The following ANKS3 variants were observed in gnomAD, a reference collection of about 807,000 sequenced individuals.
ANKS3 encodes the protein ankyrin repeat and SAM domain-containing protein 3.
A neutral mutation model predicts 80.7 loss-of-function variants in ANKS3; 62 were observed. The ratio of observed to expected loss-of-function variants is 0.77; its 90% CI spans 0.63 to 0.95. The LOEUF is 0.95. Ranked by LOEUF, ANKS3 falls within the 40% of genes least tolerant of loss-of-function variation. The pLI is 0.00. For missense variants in ANKS3, 1,150 were observed against 883.6 expected (o/e 1.30, Z -3.82); for synonymous variants, 489 against 355.3 (o/e 1.38, Z -4.23).
chr16:4,731,305 A>G (rs2081604675), intron 2 of ANKS3, among the ~76,000 whole-genome samples: 1 of 152,156 alleles, frequency 6.6e-6, no homozygotes. Flanking sequence ...TTTTTGAGAC[A>G]GTCTCGCTCT....
chr16:4,731,340 C>T (rs139174883), intron 2 of ANKS3, among the ~76,000 whole-genome samples, 172 bp downstream of exon 2: 12 of 152,282 alleles, frequency 7.9e-5, no homozygotes, highest in African/African-American at 2.9e-4. Context: ...AGTGCAGTGG[C>T]ATGATTTCAG....
chr16:4,699,523 G>C (rs920131469), intron 11 of ANKS3: 3 of 279,772 alleles, frequency 1.1e-5, no homozygotes, highest in African/African-American at 6.4e-5. Context: ...TAGAGTCTCA[G>C]TGTCGGATGT....
In ANKS3 at chr16:4,696,754, T is replaced by TTGCCTCTGTC; in HGVS notation, c.*144_*153dup. 1.8e-6 allele frequency: 1 copy of TTGCCTCTGTC among 544,764 alleles called. No homozygotes were observed. The highest frequency in any genetic ancestry group is 3.3e-6 in the Non-Finnish European group (1 of 301,706). 33.7% of individuals were successfully genotyped at this position (544,764 alleles called of 1,614,324 possible). On this transcript the variant is annotated 3_prime_UTR_variant, in exon 18 of 18. Coordinates refer to ENST00000304283, the MANE Select transcript of ANKS3 (RefSeq NM_133450.4). ...CCGAGCCAGGGCCGCAGCCCCCGTC[T>TTGCCTCTGTC]TGCCTCTGTCTGCCGGCTGCTCCCG...
rs992160526 is a variant in ANKS3 at position 4,696,692 on chromosome 16, T to C, written c.*216A>G. On this transcript the variant is annotated 3_prime_UTR_variant, in exon 18 of 18. Coordinates refer to ENST00000304283, the MANE Select transcript of ANKS3 (RefSeq NM_133450.4). ...CTGGGCCTCACCACGAGGTTCTGGG[T>C]GAGGCCCTCGTCCCGCCTCAGTGCT... 2.5e-6 allele frequency: 1 copy of C among 405,168 alleles called. No homozygotes were observed. Among genetic ancestry groups the C allele is most frequent in the African/African-American group, 2.0e-5 (1 of 48,974 alleles). 25.1% of individuals were successfully genotyped at this position (405,168 alleles called of 1,614,324 possible). A position where few individuals can be genotyped will look rare whatever the true frequency, so the allele number is the denominator to read the frequency against.
chr16:4,702,352 T>C (rs1016902838), intron 8 of ANKS3, 110 bp from the exon 9 acceptor site: 13 of 1,186,000 alleles, frequency 1.1e-5, no homozygotes, highest in Middle Eastern at 2.8e-4. Context: ...CCTCACCTAC[T>C]TGCCCCTGCG....
rs1425492719 is a variant in ANKS3, at chr16:4,697,082, G to A, written c.1917C>T (p.Thr639=). Residue 639 remains threonine (T), a synonymous_variant, in exon 17 of 18, where the codon ACC becomes ACT. Transcript: ENST00000304283. ...REMGQALCLV[T]QSLEKLQVLN... ...GCACCTGCAGCTTCTCCAGGCTCTG[G>A]GTCACTAAGCACAGTGCTTGCCCTG... is the stretch of plus-strand genomic sequence containing the variant. The A allele has an allele frequency of 3.7e-6, 6 of 1,613,708 alleles. No homozygotes were observed. The highest frequency in any genetic ancestry group is 1.3e-5 in the African/African-American group (1 of 74,910).
chr16:4,710,492 G>A (rs905420937), intron 7 of ANKS3, among the ~76,000 whole-genome samples: 2 of 152,146 alleles, frequency 1.3e-5, no homozygotes, highest in Non-Finnish European at 2.9e-5. Context: ...TGGATTGCTT[G>A]AGCTCAGGAC....
intron 14 of ANKS3, 64 bp from the exon 15 acceptor site, chr16:4,698,126 C>T (rs2079680843): frequency 6.6e-7 from 1 of 1,508,552 alleles, no homozygotes; most frequent in Admixed American, 2.0e-5. Flanking sequence ...GCCCCCACCT[C>T]AGACCTTCTA....
At chr16:4,718,552 C>T (rs1230890118) in intron 6 of ANKS3, among the ~76,000 whole-genome samples, 1 of 152,222 alleles carries the variant, frequency 6.6e-6, no homozygotes, top group Non-Finnish European at 1.5e-5. Flanking sequence ...CCATTCTCTA[C>T]CTCCAGAAAT....
At chr16:4,718,646 G>A (rs2080932562) in intron 6 of ANKS3, among the ~76,000 whole-genome samples, 1 of 152,232 alleles carries the variant, frequency 6.6e-6, no homozygotes, top group East Asian at 1.9e-4. Context: ...TGGGCGGCAG[G>A]AAAAACGTGG....
intron 6 of ANKS3, among the ~76,000 whole-genome samples, chr16:4,718,847 G>T (rs1329652466): frequency 1.3e-5 from 2 of 152,172 alleles, no homozygotes; most frequent in Non-Finnish European, 2.9e-5. Flanking sequence ...TTGTGTGACT[G>T]GGAAAGAGAA....
At chr16:4,702,939 C>T (rs1596359628) in intron 8 of ANKS3, among the ~76,000 whole-genome samples, 1 of 152,096 alleles carries the variant, frequency 6.6e-6, no homozygotes, top group East Asian at 1.9e-4. Flanking sequence ...GGAACTGGAG[C>T]CTTCAGTGAG....
intron 6 of ANKS3, among the ~76,000 whole-genome samples, chr16:4,715,193 G>C (rs1023848692): frequency 6.6e-6 from 1 of 152,012 alleles, no homozygotes; most frequent in Non-Finnish European, 1.5e-5. Context: ...TGTAATCCCA[G>C]CATTTGACAG....
chr16:4,722,422 T>C (rs2081150542), intron 6 of ANKS3, among the ~76,000 whole-genome samples: 1 of 151,420 alleles, frequency 6.6e-6, no homozygotes, highest in Admixed American at 6.6e-5. Flanking sequence ...CTACTAAAAA[T>C]ACAAAAAATT....
At chr16:4,731,934 G>C (rs2081640111) in intron 1 of ANKS3, among the ~76,000 whole-genome samples, 1 of 152,204 alleles carries the variant, frequency 6.6e-6, no homozygotes, top group Non-Finnish European at 1.5e-5. Context: ...GGGTAGGAAA[G>C]GGAGCAAAGG....
At chr16:4,718,939 A>C (rs2080945578) in intron 6 of ANKS3, among the ~76,000 whole-genome samples, 1 of 152,204 alleles carries the variant, frequency 6.6e-6, no homozygotes, top group Non-Finnish European at 1.5e-5. Context: ...ATTATGTCAC[A>C]ATTTACATTT....
chr16:4,715,947 G>C (rs859325), intron 6 of ANKS3, among the ~76,000 whole-genome samples: 65,457 of 151,926 alleles, frequency 0.43, 16,917 homozygotes, highest in East Asian at 0.65. Flanking sequence ...CTTAAAATAA[G>C]AGATTAATGA....
intron 6 of ANKS3, among the ~76,000 whole-genome samples, chr16:4,723,134 T>C (rs915239996): frequency 6.6e-6 from 1 of 152,158 alleles, no homozygotes. Context: ...CCGCCTGCAC[T>C]TCCCCCCATT....
intron 3 of ANKS3, chr16:4,727,699 G>A (rs939083851): frequency 1.9e-5 from 3 of 160,132 alleles, no homozygotes; most frequent in African/African-American, 7.2e-5. Flanking sequence ...GAGGAAAGAA[G>A]GGACTCCACC....
Sources: gnomAD v4.1 joint callset for allele counts (sites outside exome capture counted in the v4.1 genomes callset) on GRCh38, gnomAD v4.1.1 for gene constraint, MANE v1.5 for transcripts, NCBI Gene and HGNC (gene_info 2026-07-23, HGNC 2026-07-21) for gene names.